ZRANB3: variants seen among roughly 807,000 people sequenced by gnomAD.
ZRANB3 encodes DNA annealing helicase and endonuclease ZRANB3.
A neutral mutation model predicts 133.8 loss-of-function variants in ZRANB3; 125 were observed. That is an observed-to-expected ratio of 0.93 (90% confidence interval 0.81 to 1.08). The LOEUF is 1.08. Among genes scored for constraint, ZRANB3 ranks in the 50% least tolerant of loss-of-function variants. ZRANB3 has a pLI of 0.00. For missense variants in ZRANB3, 1,229 were observed against 1,275.5 expected, an observed-to-expected ratio of 0.96 and a Z score of 0.56; for synonymous variants, 387 against 432.7, an observed-to-expected ratio of 0.89 and a Z score of 1.31.
At chr2:135,267,182 T>A (rs769447284) in intron 11 of ZRANB3, among the ~76,000 whole-genome samples, 3 of 152,354 alleles carry the variant, frequency 2.0e-5, no homozygotes, top group Non-Finnish European at 4.4e-5. Context: ...GTGTAATGTG[T>A]AAAGAAAATG....
At chr2:135,518,854 TGCA>T (rs986135641) in intron 1 of ZRANB3, among the ~76,000 whole-genome samples, 11 of 152,186 alleles carry the variant, frequency 7.2e-5, no homozygotes, top group Non-Finnish European at 1.0e-4. Context: ...TGAGAGGCAC[TGCA>T]GCATGTTATT....
At chr2:135,329,324 C>A (rs938819586) in intron 6 of ZRANB3, among the ~76,000 whole-genome samples, 4 of 152,168 alleles carry the variant, frequency 2.6e-5, no homozygotes, top group African/African-American at 9.7e-5. Context: ...GTAATCCTTT[C>A]CCCATATTTG....
At chr2:135,503,825 C>T (rs751302052) in intron 2 of ZRANB3, among the ~76,000 whole-genome samples, 1 of 151,806 alleles carries the variant, frequency 6.6e-6, no homozygotes, top group Non-Finnish European at 1.5e-5. Flanking sequence ...AAAAATTACC[C>T]GGGTGTGGTG....
At chr2:135,442,024 C>T (rs765960479) in intron 2 of ZRANB3, among the ~76,000 whole-genome samples, 2 of 152,094 alleles carry the variant, frequency 1.3e-5, no homozygotes, top group African/African-American at 4.8e-5. Context: ...CCCTTCCTTA[C>T]ACCTTATATA....
intron 1 of ZRANB3, among the ~76,000 whole-genome samples, chr2:135,512,414 A>G (rs1323647835): frequency 6.6e-6 from 1 of 152,134 alleles, no homozygotes; most frequent in Non-Finnish European, 1.5e-5. Context: ...CAGGACAACT[A>G]TATAAACTTT....
chr2:135,465,282 G>A (rs1447580115), intron 2 of ZRANB3, among the ~76,000 whole-genome samples: 2 of 147,456 alleles, frequency 1.4e-5, no homozygotes, highest in South Asian at 2.4e-4. Flanking sequence ...TTAACTCATG[G>A]TTACCTAATT....
chr2:135,480,339 T>A (rs576528796), intron 2 of ZRANB3, among the ~76,000 whole-genome samples: 1 of 152,264 alleles, frequency 6.6e-6, no homozygotes, highest in Non-Finnish European at 1.5e-5. Flanking sequence ...CTTCTTATAG[T>A]AAAACCACCA....
At chr2:135,382,186 C>T (rs1029931264) in intron 3 of ZRANB3, among the ~76,000 whole-genome samples, 2 of 152,134 alleles carry the variant, frequency 1.3e-5, no homozygotes, top group African/African-American at 4.8e-5. Flanking sequence ...ACGAGAACTA[C>T]GTGACGAATG....
intron 2 of ZRANB3, among the ~76,000 whole-genome samples, chr2:135,468,543 A>G (rs1343823836): frequency 2.0e-5 from 3 of 152,208 alleles, no homozygotes; most frequent in Non-Finnish European, 4.4e-5. Flanking sequence ...AAGACAAGAC[A>G]ACGTCTTATT....
intron 9 of ZRANB3, 40 bp from the exon 10 acceptor site, chr2:135,271,927 C>G: frequency 6.4e-7 from 1 of 1,558,710 alleles, no homozygotes; most frequent in Non-Finnish European, 8.7e-7. Flanking sequence ...AGGACAAGGC[C>G]CTATGTACCC....
In ZRANB3 at chr2:135,360,930, TTTTGG is replaced by T. The variant is rs546066785; in HGVS notation, c.181-7307_181-7303del. On this transcript the variant is annotated intron_variant, in intron 3 of 20. Coordinates refer to ENST00000264159, the MANE Select transcript of ZRANB3 (RefSeq NM_032143.4). ...TACAGGTGCACACCACCATGCCTGT[TTTTGG>T]TTTGTTTGTTTGTTTGTTTGTTTGT... 3.4e-3 allele frequency among the ~76,000 whole-genome samples: 449 copies of T among 133,288 alleles called. 3 individuals are homozygous for T. The highest frequency in any genetic ancestry group is 0.016 in the African/African-American group (418 of 26,648). 87.4% of individuals were successfully genotyped at this position (133,288 alleles called of 152,430 possible). A position where few individuals can be genotyped will look rare whatever the true frequency, so the allele number is the denominator to read the frequency against.
intron 15 of ZRANB3, among the ~76,000 whole-genome samples, chr2:135,219,991 C>G (rs1165676889): frequency 6.6e-6 from 1 of 152,076 alleles, no homozygotes; most frequent in Non-Finnish European, 1.5e-5. Flanking sequence ...CCCATCTCAG[C>G]CTCCCAAGTA....
intron 8 of ZRANB3, among the ~76,000 whole-genome samples, chr2:135,292,643 T>C (rs1437550574): frequency 6.6e-6 from 1 of 152,236 alleles, no homozygotes; most frequent in Non-Finnish European, 1.5e-5. Flanking sequence ...CCATTGCTTT[T>C]GGTGTTTTAG....
rs1178288817 is a variant in ZRANB3 at position 135,482,097 on chromosome 2, G to A, written c.161+22232C>T. On this transcript the variant is annotated intron_variant, in intron 2 of 20. Coordinates refer to ENST00000264159, the MANE Select transcript of ZRANB3 (RefSeq NM_032143.4). ...TGGCTTAGGATTGACTTGGCGATGC[G>A]GGCTCTTTTTTGGTTCCATATGAAC... 7.3e-4 allele frequency among the ~76,000 whole-genome samples: 99 copies of A among 136,302 alleles called. 2 individuals are homozygous for A. Among genetic ancestry groups the A allele is most frequent in the Non-Finnish European group, 1.0e-3 (67 of 66,156 alleles). The allele number at this position is 136,302 out of a possible 152,430, so 89.4% of individuals were successfully genotyped here. A position where few individuals can be genotyped will look rare whatever the true frequency, so the allele number is the denominator to read the frequency against.
intron 2 of ZRANB3, among the ~76,000 whole-genome samples, chr2:135,420,570 G>T (rs1688798857): frequency 6.6e-6 from 1 of 152,046 alleles, no homozygotes; most frequent in Admixed American, 6.5e-5. Flanking sequence ...TCCAAATGGG[G>T]CTAATTGTCT....
At chr2:135,404,673 AG>A (rs1423702580) in intron 2 of ZRANB3, among the ~76,000 whole-genome samples, 2 of 152,222 alleles carry the variant, frequency 1.3e-5, no homozygotes, top group African/African-American at 4.8e-5. Flanking sequence ...GTTGAAATGA[AG>A]GAAAAAATGT....
rs1290372721 is a variant in ZRANB3 at position 135,316,981 on chromosome 2, A to AT, written c.678-1452_678-1451insA. On this transcript the variant is annotated intron_variant, in intron 6 of 20. Coordinates refer to ENST00000264159, the MANE Select transcript of ZRANB3 (RefSeq NM_032143.4). Reference sequence around the variant, plus strand: ...TTCCGTCTCGAGAAAAAAAAAAAAAAAAATATATATATATATATATACTTG... The same window carrying AT: ...TTCCGTCTCGAGAAAAAAAAAAAAAATAAATATATATATATATATATACTTG... 9.3e-3 allele frequency among the ~76,000 whole-genome samples: 1,305 copies of AT among 140,466 alleles called. 10 individuals carry two copies. The highest frequency in any genetic ancestry group is 0.026 in the African/African-American group (900 of 34,422). 92.2% of individuals were successfully genotyped at this position (140,466 alleles called of 152,430 possible).
intron 2 of ZRANB3, among the ~76,000 whole-genome samples, chr2:135,452,618 G>C (rs1288583538): frequency 6.6e-6 from 1 of 152,182 alleles, no homozygotes; most frequent in South Asian, 2.1e-4. Flanking sequence ...AAATAAAGGG[G>C]TTGTAGGGCC....
At chr2:135,352,924 T>C (rs560317516) in intron 4 of ZRANB3, among the ~76,000 whole-genome samples, 1 of 152,226 alleles carries the variant, frequency 6.6e-6, no homozygotes, top group South Asian at 2.1e-4. Context: ...ACTAACACTA[T>C]AACAGATTTT....
Sources: allele counts gnomAD v4.1 joint callset (sites outside exome capture counted in the v4.1 genomes callset), GRCh38; gene constraint gnomAD v4.1.1; transcripts MANE v1.5; gene names NCBI Gene and HGNC (gene_info 2026-07-23, HGNC 2026-07-21).